The following ZFP64 variants were observed in gnomAD, a reference collection of about 807,000 sequenced individuals.
The protein encoded by ZFP64 is ZFP64 zinc finger protein.
In ZFP64, 14 loss-of-function variants were observed where a neutral mutation model predicts 51.6. That is an observed-to-expected ratio of 0.27 (90% confidence interval 0.18 to 0.42). ZFP64 has a LOEUF of 0.42. Among genes scored for constraint, ZFP64 ranks in the 10% least tolerant of loss-of-function variants. The probability of loss-of-function intolerance (pLI) is 1.00; values close to 1 mark genes in which losing one functional copy is unlikely to be tolerated. For missense variants in ZFP64, 754 were observed against 906.8 expected, an observed-to-expected ratio of 0.83 and a Z score of 2.16; for synonymous variants, 375 against 361.4, an observed-to-expected ratio of 1.04 and a Z score of -0.43.
intron 5 of ZFP64, among the ~76,000 whole-genome samples, chr20:52,140,370 T>C (rs1170097962): frequency 6.6e-6 from 1 of 152,200 alleles, no homozygotes; most frequent in Non-Finnish European, 1.5e-5. Flanking sequence ...TTAGCCAAGT[T>C]GTGAATGCAA....
chr20:52,120,667 CTTTTTTTTTTTTT>C (rs11469627), intron 5 of ZFP64, among the ~76,000 whole-genome samples: 5 of 57,436 alleles, frequency 8.7e-5, no homozygotes, highest in South Asian at 7.0e-4. Flanking sequence ...GATCAGTGAT[CTTTTTTTTTTTTT>C]TTTTTTTTTT....
intron 5 of ZFP64, among the ~76,000 whole-genome samples, chr20:52,111,543 A>G (rs896777037): frequency 6.6e-6 from 1 of 151,778 alleles, no homozygotes; most frequent in African/African-American, 2.4e-5. Flanking sequence ...TAGTTGTTAG[A>G]TAATCCCCTT....
In ZFP64 at chr20:52,153,280, C is replaced by T. The variant is rs751065135; in HGVS notation, c.912G>A (p.Ser304=). Residue 304 remains serine (S), a synonymous_variant, in exon 6 of 6, where the codon TCG becomes TCA. Transcript: ENST00000216923. This position sits in a 1 kb window ranked among gnomAD's most constrained non-coding sequence, Gnocchi z 5.1. The part of the protein sequence containing the change: ...VRCTMKGNLK[S]HIRIKHSGNN... ...TCCCGCTGTGCTTGATACGGATGTG[C>T]GACTTGAGGTTCCCCTTCATGGTGC... 3 of 1,614,062 alleles carry T rather than the reference C, an allele frequency of 1.9e-6. No individual in the cohort carries two copies. Among genetic ancestry groups the T allele is most frequent in the African/African-American group, 1.3e-5 (1 of 74,926 alleles).
rs1268467600 is a variant in ZFP64 at position 52,160,311 on chromosome 20, G to A, written c.575C>T (p.Thr192Ile). 6.2e-7 allele frequency: 1 copy of A among 1,614,204 alleles called. No individual in the cohort carries two copies. The highest frequency in any genetic ancestry group is 1.1e-5 in the South Asian group (1 of 91,088). ...KCFSRKDKLKTHMRCHTGVKP... is the reference protein window; with the variant it reads ...KCFSRKDKLKIHMRCHTGVKP... ...CACGCCCGTGTGGCACCGCATGTGA[G>A]TTTTCAGCTTGTCTTTCCGGCTAAA... Residue 192 changes from threonine to isoleucine, a missense_variant, in exon 5 of 6, where the codon ACT (threonine) becomes ATT (isoleucine). By Grantham distance (89) the Thr-to-Ile change is moderately conservative. Around this residue, in one of 3 missense-constraint regions of ZFP64, gnomAD observed 231 missense variants for 336.7 expected, o/e 0.69. Transcript: ENST00000216923. The surrounding 1 kb of genome is among the most constrained non-coding windows in gnomAD (Gnocchi z 4.2).
At chr20:52,119,145 A>G (rs1274478782) in intron 5 of ZFP64, among the ~76,000 whole-genome samples, 6 of 152,064 alleles carry the variant, frequency 3.9e-5, no homozygotes, top group African/African-American at 1.4e-4. Flanking sequence ...ACCCTGTCTC[A>G]AAAATAAAGT....
chr20:52,140,906 A>C lies in ZFP64; in HGVS notation c.763+19217T>G, dbSNP rs568073968. On this transcript the variant is annotated intron_variant, in intron 5 of 8. Coordinates refer to the ZFP64 transcript ENST00000361387. ...TGACTTTCTTGTTAGGGGCTAATGT[A>C]GCTGGTAACTTGAAGTTGAAGCCAG... 5.3e-5 allele frequency among the ~76,000 whole-genome samples: 8 copies of C among 152,220 alleles called. No individual in the cohort carries two copies. The East Asian group carries it at 1.3e-3, about 26-fold the overall frequency.
At chr20:52,187,598 G>A (rs913673951) in intron 1 of ZFP64, among the ~76,000 whole-genome samples, 1 of 151,938 alleles carries the variant, frequency 6.6e-6, no homozygotes, top group African/African-American at 2.4e-5. Context: ...CTCCAGCCTG[G>A]GGGACAAGAG....
Position 52,152,403 on chromosome 20 carries a change from C to T in ZFP64, c.1789G>A (p.Gly597Ser), listed in dbSNP as rs1440001397. 1.9e-6 allele frequency: 3 copies of T among 1,614,214 alleles called. No homozygotes were observed. The highest frequency in any genetic ancestry group is 3.3e-5 in the Admixed American group (2 of 60,032). ...IPTASGGPQE[G>S]SGNQTFITSS... Reference sequence around the variant, plus strand: ...GTAATGAAAGTTTGATTGCCAGAGCCTTCCTGGGGGCCACCTGAGGCCGTG... The same window carrying T: ...GTAATGAAAGTTTGATTGCCAGAGCTTTCCTGGGGGCCACCTGAGGCCGTG... The change falls in exon 6 of 6, where the codon GGC becomes AGC. Residue 597 changes from glycine (G) to serine (S), a missense_variant. This residue lies in a region of ZFP64 where 428 missense variants were observed against 472.4 expected (regional missense o/e 0.91). Coordinates refer to ENST00000216923, the MANE Select transcript of ZFP64 (RefSeq NM_018197.3).
intron 1 of ZFP64, among the ~76,000 whole-genome samples, chr20:52,188,337 CAG>C (rs1984125980): frequency 9.6e-6 from 1 of 104,484 alleles, no homozygotes; most frequent in Non-Finnish European, 1.8e-5. Context: ...TTTTTTGAGA[CAG>C]AGTCTTGCTC....
chr20:52,191,736 CA>C lies in ZFP64; in HGVS notation c.-101del. ...TTTCCTTTTATTTTTCCACACCCCCCACCCTGCCTTCTCCCAACTCTGCGAG... is the reference window on the plus strand; with the variant it reads ...TTTCCTTTTATTTTTCCACACCCCCCCCCTGCCTTCTCCCAACTCTGCGAG... On this transcript the variant is annotated 5_prime_UTR_variant, in exon 1 of 6. Transcript: ENST00000216923. This position sits in a 1 kb window ranked among gnomAD's most constrained non-coding sequence, Gnocchi z 4.3. The C allele has an allele frequency of 7.3e-7, 1 of 1,370,390 alleles. No homozygotes were observed. The highest frequency in any genetic ancestry group is 1.5e-5 in the African/African-American group (1 of 67,176). The allele number at this position is 1,370,390 out of a possible 1,614,324, so 84.9% of individuals were successfully genotyped here.
At chr20:52,177,153 G>C (rs958679124) in intron 2 of ZFP64, among the ~76,000 whole-genome samples, 1 of 151,422 alleles carries the variant, frequency 6.6e-6, no homozygotes, top group Non-Finnish European at 1.5e-5. Context: ...CCTTCTGGTT[G>C]AATGGTTCTC....
intron 5 of ZFP64, chr20:52,110,778 G>C: frequency 6.3e-7 from 1 of 1,593,346 alleles, no homozygotes; most frequent in Non-Finnish European, 8.6e-7. Context: ...GGGAGAGGTA[G>C]AAGACTGGGT....
intron 2 of ZFP64, among the ~76,000 whole-genome samples, chr20:52,174,415 G>A (rs1302076772): frequency 1.3e-4 from 20 of 149,682 alleles, no homozygotes; most frequent in Admixed American, 1.1e-3. Flanking sequence ...CCCGGGAGGC[G>A]GAGGTTGCAG....
At chr20:52,125,877 C>T (rs1171443590) in intron 5 of ZFP64, among the ~76,000 whole-genome samples, 1 of 151,982 alleles carries the variant, frequency 6.6e-6, no homozygotes, top group Non-Finnish European at 1.5e-5. Context: ...AACAACTTAA[C>T]ATGGTTTTTT....
chr20:52,181,896 T>A (rs1983639735), intron 2 of ZFP64, among the ~76,000 whole-genome samples: 1 of 151,960 alleles, frequency 6.6e-6, no homozygotes, highest in Admixed American at 6.6e-5. Flanking sequence ...ATCTAATAAG[T>A]GTAAAAAAGA....
At chr20:52,163,363 A>G (rs1981986101) in intron 4 of ZFP64, among the ~76,000 whole-genome samples, 1 of 152,212 alleles carries the variant, frequency 6.6e-6, no homozygotes, top group African/African-American at 2.4e-5. Flanking sequence ...CTCCGTCTCA[A>G]AAAAACAAAA....
intron 5 of ZFP64, chr20:52,104,559 G>C: frequency 8.3e-6 from 3 of 360,268 alleles, no homozygotes; most frequent in Non-Finnish European, 1.7e-5. Flanking sequence ...ATCACCTCTC[G>C]GGCCTCCGGT....
rs1980976688 is a variant in ZFP64 at position 52,152,901 on chromosome 20, C to A, written c.1291G>T (p.Asp431Tyr). Residue 431 changes from aspartate to tyrosine, a missense_variant, in exon 6 of 6, where the codon GAT becomes TAT. This residue lies in a region of ZFP64 where 428 missense variants were observed against 472.4 expected (regional missense o/e 0.91). Coordinates refer to ENST00000216923, the MANE Select transcript of ZFP64 (RefSeq NM_018197.3). ...AKKSFHCDICDASFMREDSLR... is the reference protein window; with the variant it reads ...AKKSFHCDICYASFMREDSLR... ...GAGTCCTCCCGCATGAAGGAGGCAT[C>A]GCATATATCGCAGTGGAAACTCTTC... is the stretch of plus-strand genomic sequence containing the variant. 1 of 1,613,888 alleles carries A rather than the reference C, an allele frequency of 6.2e-7. No homozygotes were observed. Among genetic ancestry groups the A allele is most frequent in the Non-Finnish European group, 8.5e-7 (1 of 1,180,054 alleles).
At chr20:52,091,602 T>A (rs1308661307) in intron 7 of ZFP64, among the ~76,000 whole-genome samples, 1 of 152,156 alleles carries the variant, frequency 6.6e-6, no homozygotes, top group Non-Finnish European at 1.5e-5. Flanking sequence ...TTTTCAAAAA[T>A]GTCATCTTGG....
Sources: allele counts gnomAD v4.1 joint callset (sites outside exome capture counted in the v4.1 genomes callset), GRCh38; gene constraint gnomAD v4.1.1; regional missense constraint gnomAD v4.1.1; non-coding constraint Gnocchi (gnomAD v3.1); transcripts MANE v1.5; gene names NCBI Gene and HGNC (gene_info 2026-07-23, HGNC 2026-07-21).